SYNGR1: variants seen among roughly 807,000 people sequenced by gnomAD.
SYNGR1 encodes the protein synaptogyrin-1.
A neutral mutation model predicts 26.1 loss-of-function variants in SYNGR1; 14 were observed. The observed-to-expected ratio is 0.54, with a 90% CI of 0.35 to 0.84. The LOEUF (loss-of-function observed/expected upper bound fraction) is 0.84. SYNGR1 is among the 40% of genes least tolerant of loss of function. The pLI is 0.01. For synonymous variants in SYNGR1, 141 were observed against 150.1 expected (o/e 0.94, Z 0.44); for missense variants, 319 against 332.9 (o/e 0.96, Z 0.33).
At chr22:39,377,897 A>G in intron 3 of SYNGR1, 1 of 1,432,684 alleles carries the variant, frequency 7.0e-7, no homozygotes, top group Non-Finnish European at 9.2e-7. Context: ...TCATTCAGTA[A>G]ACATTTATTG....
intron 1 of SYNGR1, among the ~76,000 whole-genome samples, chr22:39,369,693 T>C (rs1013998810): frequency 5.9e-5 from 9 of 152,196 alleles, no homozygotes; most frequent in Admixed American, 1.3e-4. Context: ...ACTCTGCCAA[T>C]TGGGAACACT....
chr22:39,349,991 A>G lies in SYNGR1; in HGVS notation c.-20A>G, dbSNP rs1923818127. On this transcript the variant is annotated 5_prime_UTR_variant, in exon 1 of 4. Coordinates refer to ENST00000328933, the MANE Select transcript of SYNGR1 (RefSeq NM_004711.5). ...CGGCGGCGCGCGCCGAGCGGGGGGC[A>G]CCGCGCGGGTGCAGCCACGATGGAA... 2 of 1,086,982 alleles carry G rather than the reference A, an allele frequency of 1.8e-6. No individual in the cohort carries two copies. Among genetic ancestry groups the G allele is most frequent in the Non-Finnish European group, 1.1e-6 (1 of 869,650 alleles). The allele number at this position is 1,086,982 out of a possible 1,614,324, so 67.3% of individuals were successfully genotyped here.
chr22:39,350,896 G>C lies in SYNGR1; in HGVS notation c.99+787G>C, dbSNP rs1923877137. The stretch of plus-strand genomic sequence containing the variant: ...CTGGATGCCCAAGGCGGGTGTCTGG[G>C]AGAAAGGTCTGCTCCCACAGTGAAG... On this transcript the variant is annotated intron_variant, in intron 1 of 3. Coordinates refer to ENST00000328933, the MANE Select transcript of SYNGR1 (RefSeq NM_004711.5). This position sits in a 1 kb window ranked among gnomAD's most constrained non-coding sequence, Gnocchi z 4.3. Among the ~76,000 whole-genome samples the C allele has an allele frequency of 1.3e-5, 2 of 152,184 alleles. No individual in the cohort carries two copies. The highest frequency in any genetic ancestry group is 2.9e-5 in the Non-Finnish European group (2 of 68,028).
At chr22:39,380,483 A>G (rs1569184101) in intron 3 of SYNGR1, among the ~76,000 whole-genome samples, 1 of 151,908 alleles carries the variant, frequency 6.6e-6, no homozygotes, top group Non-Finnish European at 1.5e-5. Flanking sequence ...TCAAACCCAT[A>G]GGCTCAGGCA....
chr22:39,353,984 C>T (rs1272842128), intron 1 of SYNGR1, among the ~76,000 whole-genome samples: 4 of 152,128 alleles, frequency 2.6e-5, no homozygotes, highest in African/African-American at 9.7e-5. Context: ...CTGCCTCAGC[C>T]TCCCAAATAG....
intron 1 of SYNGR1, among the ~76,000 whole-genome samples, chr22:39,366,455 G>A (rs1433385232): frequency 6.6e-6 from 1 of 151,688 alleles, no homozygotes; most frequent in Admixed American, 6.6e-5. Context: ...AGACCAACCT[G>A]GCCAACATGG....
chr22:39,366,183 T>G (rs1051228980), intron 1 of SYNGR1, among the ~76,000 whole-genome samples: 1 of 148,026 alleles, frequency 6.8e-6, no homozygotes, highest in African/African-American at 2.5e-5. Context: ...TAGGCTGGTC[T>G]CAAACCCCTG....
intron 1 of SYNGR1, among the ~76,000 whole-genome samples, chr22:39,370,890 G>C (rs1924988694): frequency 6.6e-6 from 1 of 151,840 alleles, no homozygotes; most frequent in African/African-American, 2.4e-5. Context: ...CAAAGTGCTG[G>C]GATTACAGGC....
At chr22:39,377,542 T>G in intron 3 of SYNGR1, 2 of 1,594,922 alleles carry the variant, frequency 1.3e-6, no homozygotes, top group South Asian at 1.1e-5. Context: ...CCAGCCTCCC[T>G]CCTGGCACCT....
chr22:39,385,207 C>T lies in SYNGR1; in HGVS notation c.*3293C>T, dbSNP rs910299913. On this transcript the variant is annotated 3_prime_UTR_variant, in exon 4 of 4. Coordinates refer to ENST00000328933, the MANE Select transcript of SYNGR1 (RefSeq NM_004711.5). The stretch of plus-strand genomic sequence containing the variant: ...GAGTTTATGGGAGAAGGGACTGGGC[C>T]GGCTGCCTCCCAGCGATGCACTTGA... The T allele has an allele frequency of 4.6e-5, 18 of 390,280 alleles. No individual in the cohort carries two copies. The highest frequency in any genetic ancestry group is 8.3e-5 in the African/African-American group (4 of 48,454). The allele number at this position is 390,280 out of a possible 1,614,324, so 24.2% of individuals were successfully genotyped here.
rs571237100 is a variant in SYNGR1, at chr22:39,367,318, A to C, written c.100-6998A>C. Among the ~76,000 whole-genome samples the C allele has an allele frequency of 1.2e-3, 186 of 152,130 alleles. 1 individual carries two copies. The highest frequency in any genetic ancestry group is 2.1e-3 in the Non-Finnish European group (145 of 67,996). ...CCAGGGCAGGGCAGGCAGCTCACTC[A>C]CTCCACTCCAGCAAACAAACAGCAA... is the stretch of plus-strand genomic sequence containing the variant. On this transcript the variant is annotated intron_variant, in intron 1 of 3. Transcript: ENST00000328933.
chr22:39,377,951 G>C, intron 3 of SYNGR1: 6 of 1,303,692 alleles, frequency 4.6e-6, no homozygotes, highest in Non-Finnish European at 5.9e-6. Context: ...GGGGTCCTTG[G>C]CTCCAGGAGC....
At chr22:39,358,422 CTGCTCGTT>C (rs1441664935) in intron 1 of SYNGR1, among the ~76,000 whole-genome samples, 3 of 152,188 alleles carry the variant, frequency 2.0e-5, no homozygotes, top group African/African-American at 7.2e-5. Context: ...CTTTGTTCGT[CTGCTCGTT>C]GCGATAAATT....
chr22:39,373,268 AAG>A, intron 1 of SYNGR1, among the ~76,000 whole-genome samples: 1 of 151,660 alleles, frequency 6.6e-6, no homozygotes, highest in East Asian at 1.9e-4. Flanking sequence ...TCCCAGGTTC[AAG>A]TGATTCTCCT....
At chr22:39,366,240 C>A (rs1228618744) in intron 1 of SYNGR1, among the ~76,000 whole-genome samples, 1 of 146,198 alleles carries the variant, frequency 6.8e-6, no homozygotes, top group Non-Finnish European at 1.5e-5. Context: ...CCACCTACCT[C>A]GGCCTCCCAA....
At chr22:39,371,718 C>T (rs1925030513) in intron 1 of SYNGR1, among the ~76,000 whole-genome samples, 1 of 152,064 alleles carries the variant, frequency 6.6e-6, no homozygotes. Flanking sequence ...CTCCTGGACT[C>T]AAGTGATCCT....
At position 39,376,048 on chromosome 22, in the gene SYNGR1, C is replaced by T. The variant is rs78309686; in HGVS notation, c.338-4C>T. The T allele has an allele frequency of 3.5e-5, 56 of 1,614,088 alleles. No homozygotes were observed. In the Middle Eastern group the frequency reaches 4.9e-4, roughly 14 times the overall value. On this transcript the variant is annotated splice_polypyrimidine_tract_variant and splice_region_variant and intron_variant, in intron 2 of 3. Coordinates refer to ENST00000328933, the MANE Select transcript of SYNGR1 (RefSeq NM_004711.5). ...CTATTCTGCCCGGTCCTGGGACCCC[C>T]CAGCCTTCTGGGCTTTCCTCTGGTT...
intron 1 of SYNGR1, chr22:39,364,197 G>A: frequency 6.2e-7 from 1 of 1,613,288 alleles, no homozygotes; most frequent in Non-Finnish European, 8.5e-7. Flanking sequence ...TTGGTCTCAT[G>A]TTGACCTTAG....
intron 2 of SYNGR1, chr22:39,375,735 T>C: frequency 1.7e-6 from 1 of 597,816 alleles, no homozygotes; most frequent in African/African-American, 1.9e-5. Flanking sequence ...CGGCCTGAGT[T>C]GATTACCTTC....
Sources: gnomAD v4.1 joint callset for allele counts (sites outside exome capture counted in the v4.1 genomes callset) on GRCh38, gnomAD v4.1.1 for gene constraint, Gnocchi (gnomAD v3.1) non-coding constraint, MANE v1.5 for transcripts, NCBI Gene and HGNC (gene_info 2026-07-23, HGNC 2026-07-21) for gene names.